The following SDK1 variants were observed in gnomAD, a reference collection of about 807,000 sequenced individuals.
SDK1 encodes the protein sidekick cell adhesion molecule 1, also known as protein sidekick-1.
Under a neutral mutation model 245.5 loss-of-function variants are expected in SDK1, and 157 were observed. The ratio of observed to expected loss-of-function variants is 0.64; its 90% CI spans 0.56 to 0.73. The LOEUF (loss-of-function observed/expected upper bound fraction) is 0.73. Ranked by LOEUF, SDK1 falls within the 30% of genes least tolerant of loss-of-function variation. SDK1 has a pLI of 0.00. For synonymous variants in SDK1, 1,647 were observed against 1,278.5 expected, an observed-to-expected ratio of 1.29 and a Z score of -6.15; for missense variants, 3,583 against 3,002.3, an observed-to-expected ratio of 1.19 and a Z score of -4.52.
At chr7:3,747,122 A>G (rs1409870409) in intron 4 of SDK1, among the ~76,000 whole-genome samples, 1 of 152,212 alleles carries the variant, frequency 6.6e-6, no homozygotes, top group Non-Finnish European at 1.5e-5. Context: ...TGCATGATGT[A>G]ATATATAAAT....
At chr7:3,988,084 C>T (rs1209095412) in intron 14 of SDK1, among the ~76,000 whole-genome samples, 1 of 151,280 alleles carries the variant, frequency 6.6e-6, no homozygotes, top group Non-Finnish European at 1.5e-5. Flanking sequence ...CGGGTTGTCT[C>T]ACGGCCTCTC....
chr7:4,232,218 A>T (rs1288979541), intron 40 of SDK1, among the ~76,000 whole-genome samples: 1 of 151,886 alleles, frequency 6.6e-6, no homozygotes, highest in East Asian at 1.9e-4. Context: ...CATTCTACAG[A>T]CAAGGGTCAG....
intron 5 of SDK1, among the ~76,000 whole-genome samples, chr7:3,849,684 G>A (rs1050664329): frequency 1.3e-5 from 2 of 152,144 alleles, no homozygotes; most frequent in African/African-American, 4.8e-5. Context: ...CTTAGAGGGC[G>A]GCGTATTTTG....
chr7:3,621,200 TAAGA>T (rs1202216725), intron 2 of SDK1, among the ~76,000 whole-genome samples: 1 of 152,090 alleles, frequency 6.6e-6, no homozygotes, highest in Non-Finnish European at 1.5e-5. Flanking sequence ...AGAAGGGGTG[TAAGA>T]AAGCAGAAAC....
At chr7:3,710,257 T>C (rs553734963) in intron 4 of SDK1, among the ~76,000 whole-genome samples, 16 of 152,226 alleles carry the variant, frequency 1.1e-4, no homozygotes, top group Non-Finnish European at 1.8e-4. Flanking sequence ...GTATTTGTTA[T>C]AAAGAGGGTT....
chr7:3,607,408 A>G (rs1402207454), intron 1 of SDK1, among the ~76,000 whole-genome samples: 1 of 152,198 alleles, frequency 6.6e-6, no homozygotes, highest in African/African-American at 2.4e-5. Context: ...ACTATACTAT[A>G]TATTTTCTTT....
chr7:3,856,355 G>C (rs1780545307), intron 5 of SDK1, among the ~76,000 whole-genome samples: 1 of 151,716 alleles, frequency 6.6e-6, no homozygotes, highest in African/African-American at 2.4e-5. Flanking sequence ...CTAGAATTTT[G>C]GCAAAATAAG....
intron 1 of SDK1, among the ~76,000 whole-genome samples, chr7:3,330,010 T>C (rs777066244): frequency 1.3e-5 from 2 of 152,218 alleles, no homozygotes; most frequent in African/African-American, 4.8e-5. Context: ...CCGCTATGGA[T>C]ACCAAGTAGA....
intron 4 of SDK1, among the ~76,000 whole-genome samples, chr7:3,689,415 C>G (rs535060904): frequency 3.3e-5 from 5 of 152,160 alleles, no homozygotes; most frequent in Non-Finnish European, 5.9e-5. Flanking sequence ...AAACCTGGTA[C>G]AAGCTAAGCA....
chr7:3,640,261 A>C (rs1244867692), intron 3 of SDK1, among the ~76,000 whole-genome samples: 1 of 152,262 alleles, frequency 6.6e-6, no homozygotes, highest in African/African-American at 2.4e-5. Flanking sequence ...TATAAACTTT[A>C]GAGAACAAAA....
At chr7:4,154,742 G>C (rs1268822212) in intron 30 of SDK1, among the ~76,000 whole-genome samples, 3 of 152,196 alleles carry the variant, frequency 2.0e-5, no homozygotes, top group Non-Finnish European at 4.4e-5. Flanking sequence ...ACACTGACTT[G>C]CTCCAGTGAG....
chr7:4,090,459 T>G (rs1001953059), intron 22 of SDK1, among the ~76,000 whole-genome samples: 6 of 152,198 alleles, frequency 3.9e-5, no homozygotes. Flanking sequence ...ACTCATGACT[T>G]TTTATTTTGG....
chr7:3,820,468 T>C (rs116468659), intron 4 of SDK1, among the ~76,000 whole-genome samples: 11 of 152,252 alleles, frequency 7.2e-5, no homozygotes, highest in African/African-American at 2.6e-4. Context: ...TAAACAAATT[T>C]TACCACCCTC....
At chr7:3,840,008 T>C (rs1464500140) in intron 5 of SDK1, among the ~76,000 whole-genome samples, 1 of 152,210 alleles carries the variant, frequency 6.6e-6, no homozygotes, top group African/African-American at 2.4e-5. Context: ...TTTTAAATGG[T>C]CATTGGTAGG....
intron 1 of SDK1, among the ~76,000 whole-genome samples, chr7:3,329,133 A>G (rs547834174): frequency 8.9e-4 from 135 of 152,252 alleles, no homozygotes; most frequent in Non-Finnish European, 1.7e-3. Flanking sequence ...TATTTTGTTA[A>G]TGACAAATTA....
chr7:4,162,117 C>T (rs557525668), intron 32 of SDK1, among the ~76,000 whole-genome samples: 6 of 152,116 alleles, frequency 3.9e-5, no homozygotes, highest in East Asian at 1.9e-4. Context: ...CAGGAGGGAC[C>T]GGCAGGATGG....
chr7:3,582,623 C>T (rs932148430), intron 1 of SDK1, among the ~76,000 whole-genome samples: 3 of 144,548 alleles, frequency 2.1e-5, no homozygotes, highest in African/African-American at 7.8e-5. Flanking sequence ...ATGTAATGAA[C>T]CCTCGTGACA....
chr7:3,682,963 A>G (rs545426494), intron 4 of SDK1, among the ~76,000 whole-genome samples: 2 of 152,180 alleles, frequency 1.3e-5, no homozygotes, highest in East Asian at 3.9e-4. Flanking sequence ...GGAACTCCTG[A>G]CCTCAAGTGA....
chr7:3,680,428 A>G (rs1375705587), intron 4 of SDK1, among the ~76,000 whole-genome samples: 1 of 152,156 alleles, frequency 6.6e-6, no homozygotes, highest in Non-Finnish European at 1.5e-5. Context: ...GCACGTGATA[A>G]AACTGCATAA....
Sources: allele counts gnomAD v4.1 joint callset (sites outside exome capture counted in the v4.1 genomes callset), GRCh38; gene constraint gnomAD v4.1.1; transcripts MANE v1.5; gene names NCBI Gene and HGNC (gene_info 2026-07-23, HGNC 2026-07-21).